Variants in CABLES1 observed in about 807,000 individuals in gnomAD.
CABLES1 encodes Cdk5 and Abl enzyme substrate 1, also known as CDK5 and ABL1 enzyme substrate 1.
In CABLES1, 36 loss-of-function variants were observed where a neutral mutation model predicts 57.8. That is an observed-to-expected ratio of 0.62 (90% CI 0.48 to 0.82). The LOEUF (loss-of-function observed/expected upper bound fraction) is 0.82. Among genes scored for constraint, CABLES1 ranks in the 40% least tolerant of loss-of-function variants. CABLES1 has a pLI of 0.00. For missense variants in CABLES1, 767 were observed against 836.6 expected (o/e 0.92, Z 1.03); for synonymous variants, 374 against 363.0 (o/e 1.03, Z -0.35).
At chr18:23,241,832 T>C (rs2047743873) in intron 7 of CABLES1, among the ~76,000 whole-genome samples, 1 of 152,176 alleles carries the variant, frequency 6.6e-6, no homozygotes, top group Non-Finnish European at 1.5e-5. Flanking sequence ...AGTGGGAAGC[T>C]TCCAGAGGTG....
rs141950235 is a variant in CABLES1, at chr18:23,143,482, C to T, written c.845+6875C>T. Among the ~76,000 whole-genome samples, 454 of 152,274 alleles carry T rather than the reference C, an allele frequency of 3.0e-3. 1 individual carries two copies. Among genetic ancestry groups the T allele is most frequent in the African/African-American group, 0.01 (425 of 41,560 alleles). On this transcript the variant is annotated intron_variant, in intron 1 of 9. Coordinates refer to ENST00000256925, the MANE Select transcript of CABLES1 (RefSeq NM_001100619.3). ...CCACCTCCGCCCTGGGCGGGTTTCC[C>T]GCTGTATCTTCTCAGCATCACCCTT...
At position 23,257,291 on chromosome 18, in the gene CABLES1, T is replaced by G; in HGVS notation, c.1826T>G (p.Val609Gly). Reference sequence around the variant, plus strand: ...ATTGCCTTTGAATTCCCGGTGTTAGTGGCCTTGGAATTCGCCCTCCACTTG... The same window carrying G: ...ATTGCCTTTGAATTCCCGGTGTTAGGGGCCTTGGAATTCGCCCTCCACTTG... ...ELIAFEFPVLVALEFALHLPE... is the reference protein window; with the variant it reads ...ELIAFEFPVLGALEFALHLPE... Residue 609 changes from valine to glycine, a missense_variant, in exon 10 of 10, where the codon GTG becomes GGG. Val to Gly is a moderately radical substitution (Grantham distance 109, BLOSUM62 -3). This residue lies in a region of CABLES1 where 15 missense variants were observed against 41.0 expected (regional missense o/e 0.37). Transcript: ENST00000256925. 6.2e-7 allele frequency: 1 copy of G among 1,613,920 alleles called. No individual in the cohort carries two copies. The highest frequency in any genetic ancestry group is 8.5e-7 in the Non-Finnish European group (1 of 1,179,976).
At chr18:23,179,800 G>A (rs1209668516) in intron 1 of CABLES1, among the ~76,000 whole-genome samples, 10 of 152,270 alleles carry the variant, frequency 6.6e-5, no homozygotes, top group Admixed American at 3.3e-4. Flanking sequence ...CTGAAGGGAA[G>A]GCCGTTTTGC....
chr18:23,197,182 T>C (rs1301203983), intron 3 of CABLES1: 1 of 152,188 alleles, frequency 6.6e-6, no homozygotes, highest in African/African-American at 2.4e-5. Context: ...AAGACAATAC[T>C]TGTGGCATTG....
At chr18:23,242,401 C>T (rs1256733905) in intron 7 of CABLES1, among the ~76,000 whole-genome samples, 1 of 152,192 alleles carries the variant, frequency 6.6e-6, no homozygotes, top group Non-Finnish European at 1.5e-5. Context: ...TACGTGCAGA[C>T]TCTTGCTGGG....
At chr18:23,241,346 C>G (rs142990114) in intron 7 of CABLES1, among the ~76,000 whole-genome samples, 1 of 151,922 alleles carries the variant, frequency 6.6e-6, no homozygotes, top group Admixed American at 6.6e-5. Flanking sequence ...GCCTGGCTAA[C>G]GTGATGAAAC....
intron 3 of CABLES1, among the ~76,000 whole-genome samples, chr18:23,211,899 G>A (rs1382772616): frequency 1.3e-5 from 2 of 152,270 alleles, no homozygotes; most frequent in Non-Finnish European, 2.9e-5. Context: ...CAAGGAGCCT[G>A]GCTGGTGTTC....
intron 4 of CABLES1, among the ~76,000 whole-genome samples, chr18:23,228,026 G>T (rs987097781): frequency 6.6e-6 from 1 of 152,206 alleles, no homozygotes; most frequent in South Asian, 2.1e-4. Flanking sequence ...CATTTTGGAA[G>T]CAGAAAGCCT....
At chr18:23,152,438 T>A (rs1488256380) in intron 1 of CABLES1, among the ~76,000 whole-genome samples, 10 of 152,058 alleles carry the variant, frequency 6.6e-5, no homozygotes, top group Admixed American at 6.6e-4. Flanking sequence ...AGGTGGAGAA[T>A]GATATTTATG....
At chr18:23,158,089 C>CT (rs1568046821) in intron 1 of CABLES1, among the ~76,000 whole-genome samples, 1 of 150,420 alleles carries the variant, frequency 6.6e-6, no homozygotes, top group Admixed American at 6.6e-5. Context: ...TGAGACCAGC[C>CT]TGGGCAACAT....
intron 7 of CABLES1, among the ~76,000 whole-genome samples, chr18:23,252,187 T>G (rs918724928): frequency 1.3e-5 from 2 of 151,156 alleles, no homozygotes; most frequent in African/African-American, 4.9e-5. Context: ...AGACATAAAG[T>G]GGAGTAGTGG....
intron 1 of CABLES1, chr18:23,155,998 G>A (rs888259221): frequency 6.2e-7 from 1 of 1,610,610 alleles, no homozygotes; most frequent in Admixed American, 1.7e-5. Flanking sequence ...AGCTGAGTCT[G>A]TTTTTTTGGC....
At chr18:23,152,886 C>T (rs1388153551) in intron 1 of CABLES1, among the ~76,000 whole-genome samples, 1 of 151,854 alleles carries the variant, frequency 6.6e-6, no homozygotes, top group Non-Finnish European at 1.5e-5. Context: ...ACTACAACCT[C>T]CACCTCCCGG....
chr18:23,163,354 G>A (rs530961417), intron 1 of CABLES1, among the ~76,000 whole-genome samples: 4 of 152,294 alleles, frequency 2.6e-5, no homozygotes, highest in Non-Finnish European at 5.9e-5. Flanking sequence ...TCATCAGTAT[G>A]TAGATGATGT....
intron 3 of CABLES1, among the ~76,000 whole-genome samples, chr18:23,206,319 T>A (rs1365626521): frequency 6.6e-6 from 1 of 152,214 alleles, no homozygotes; most frequent in Non-Finnish European, 1.5e-5. Flanking sequence ...CAGCCTCACA[T>A]TTGGACTCAT....
chr18:23,188,780 T>C, intron 1 of CABLES1, 58 bp from the exon 2 acceptor site: 1 of 1,195,046 alleles, frequency 8.4e-7, no homozygotes, highest in South Asian at 1.2e-5. Flanking sequence ...TTTGCACAAA[T>C]GTCTGATCAG....
At chr18:23,211,041 G>T (rs1048852827) in intron 3 of CABLES1, among the ~76,000 whole-genome samples, 1 of 151,868 alleles carries the variant, frequency 6.6e-6, no homozygotes, top group Non-Finnish European at 1.5e-5. Flanking sequence ...GCAGCATGTT[G>T]TCAGCCTCTC....
intron 1 of CABLES1, among the ~76,000 whole-genome samples, chr18:23,160,529 A>C (rs2046996461): frequency 6.6e-6 from 1 of 152,128 alleles, no homozygotes; most frequent in Non-Finnish European, 1.5e-5. Context: ...CCCTTCCTGA[A>C]GGGACCTTGA....
intron 1 of CABLES1, among the ~76,000 whole-genome samples, chr18:23,171,241 C>T (rs542568160): frequency 2.6e-5 from 4 of 152,300 alleles, no homozygotes; most frequent in African/African-American, 7.2e-5. Flanking sequence ...CCAGTCAGTG[C>T]GCCTTTGTTT....
Sources: gnomAD v4.1 joint callset for allele counts (sites outside exome capture counted in the v4.1 genomes callset) on GRCh38, gnomAD v4.1.1 for gene constraint, gnomAD v4.1.1 regional missense constraint, MANE v1.5 for transcripts, NCBI Gene and HGNC (gene_info 2026-07-23, HGNC 2026-07-21) for gene names.